NSD1: variants seen among roughly 807,000 people sequenced by gnomAD.
The protein encoded by NSD1 is nuclear receptor binding SET domain protein 1.
Under a neutral mutation model 242.7 loss-of-function variants are expected in NSD1, and 26 were observed. The observed-to-expected ratio is 0.11, with a 90% CI of 0.08 to 0.15. The LOEUF (loss-of-function observed/expected upper bound fraction) is 0.15, where lower values mean the gene tolerates loss of function less well. NSD1 is among the 10% of genes least tolerant of loss of function. The pLI is 1.00. For synonymous variants in NSD1, 1,106 were observed against 1,178.1 expected, an observed-to-expected ratio of 0.94 and a Z score of 1.25; for missense variants, 2,495 against 3,272.8, an observed-to-expected ratio of 0.76 and a Z score of 5.80.
In NSD1 at chr5:177,182,089, T is replaced by C. The variant is rs376473480; in HGVS notation, c.928-9795T>C. ...ATGGTGTGAACCCGGGAGGTGGAGC[T>C]TGCAGTGAGTGGAGATCGCGCCACC... On this transcript the variant is annotated intron_variant, in intron 2 of 22. Transcript: ENST00000439151. Among the ~76,000 whole-genome samples, 61 of 151,774 alleles carry C rather than the reference T, an allele frequency of 4.0e-4. No individual in the cohort carries two copies. In the East Asian group the frequency reaches 7.4e-3, roughly 18 times the overall value.
intron 8 of NSD1, among the ~76,000 whole-genome samples, chr5:177,240,393 T>C (rs1185928886): frequency 3.3e-5 from 5 of 152,062 alleles, no homozygotes; most frequent in African/African-American, 9.7e-5. Flanking sequence ...ATGTGATAAA[T>C]ACTTTTTGTG....
chr5:177,246,351 A>G (rs1766293498), intron 9 of NSD1, among the ~76,000 whole-genome samples: 1 of 152,198 alleles, frequency 6.6e-6, no homozygotes, highest in Admixed American at 6.5e-5. Context: ...GATGACTAGT[A>G]AAATGCATTT....
chr5:177,210,775 C>T lies in NSD1; in HGVS notation c.2376C>T (p.Cys792=), dbSNP rs368839996. 2.5e-6 allele frequency: 4 copies of T among 1,614,136 alleles called. No homozygotes were observed. The highest frequency in any genetic ancestry group is 2.2e-5 in the South Asian group (2 of 91,082). The change falls in exon 5 of 23, where the codon TGC becomes TGT. Residue 792 remains cysteine (C), a synonymous_variant. Transcript: ENST00000439151. The part of the protein sequence containing the change: ...SKQPKFRSIK[C]KHKENPVMAE... ...AGCCCAAGTTCCGAAGTATAAAGTG[C>T]AAACACAAAGAAAATCCAGTTATGG... is the stretch of plus-strand genomic sequence containing the variant.
At chr5:177,192,937 C>G (rs898137724) in intron 3 of NSD1, among the ~76,000 whole-genome samples, 5 of 152,170 alleles carry the variant, frequency 3.3e-5, no homozygotes, top group African/African-American at 1.2e-4. Context: ...CGTATTTCTA[C>G]TTTAATCAGG....
At chr5:177,190,381 G>A (rs1255000657) in intron 2 of NSD1, among the ~76,000 whole-genome samples, 1 of 152,138 alleles carries the variant, frequency 6.6e-6, no homozygotes, top group East Asian at 1.9e-4. Flanking sequence ...CCTGGTTCAA[G>A]CAATTCTCTT....
In NSD1 at chr5:177,296,135, G is replaced by A. The variant is rs971279657; in HGVS notation, c.*676G>A. ...TGTGCATGGGTGCGTGTGCATGCGC[G>A]CACACTCACAGAGGTCTCCTCTATA... is the stretch of plus-strand genomic sequence containing the variant. On this transcript the variant is annotated 3_prime_UTR_variant, in exon 23 of 23. Coordinates refer to ENST00000439151, the MANE Select transcript of NSD1 (RefSeq NM_022455.5). 7 of 244,818 alleles carry A rather than the reference G, an allele frequency of 2.9e-5. No homozygotes were observed. The highest frequency in any genetic ancestry group is 1.4e-4 in the South Asian group (1 of 7,142). The allele number at this position is 244,818 out of a possible 1,614,324, so 15.2% of individuals were successfully genotyped here.
intron 5 of NSD1, among the ~76,000 whole-genome samples, chr5:177,212,487 C>CTTTTTTTTTTTTTTTTT (rs34930823): frequency 7.9e-6 from 1 of 126,954 alleles, no homozygotes; most frequent in Non-Finnish European, 1.6e-5. Flanking sequence ...CTCTCTCTCT[C>CTTTTTTTTTTTTTTTTT]TTTTTTTTTT....
At chr5:177,164,598 C>T (rs924485031) in intron 2 of NSD1, among the ~76,000 whole-genome samples, 5 of 152,078 alleles carry the variant, frequency 3.3e-5, no homozygotes, top group Admixed American at 6.6e-5. Context: ...GAAATGAATG[C>T]TTCATTCAAA....
At chr5:177,168,109 G>A (rs1439187805) in intron 2 of NSD1, among the ~76,000 whole-genome samples, 1 of 152,166 alleles carries the variant, frequency 6.6e-6, no homozygotes, top group Non-Finnish European at 1.5e-5. Context: ...AAAATTCCAA[G>A]TAATGAACTT....
chr5:177,246,928 C>T, intron 10 of NSD1, 132 bp downstream of exon 10: 1 of 711,190 alleles, frequency 1.4e-6, no homozygotes, highest in East Asian at 2.6e-5. Flanking sequence ...CATAAGGAAT[C>T]TTGGAGGAAA....
chr5:177,256,764 G>A (rs540173448), intron 12 of NSD1, among the ~76,000 whole-genome samples, 187 bp from the exon 13 acceptor site: 1 of 152,240 alleles, frequency 6.6e-6, no homozygotes, highest in East Asian at 1.9e-4. Flanking sequence ...ACTTTCTGTT[G>A]TATCACGTCA....
At chr5:177,200,973 T>C (rs909727964) in intron 3 of NSD1, among the ~76,000 whole-genome samples, 2 of 152,000 alleles carry the variant, frequency 1.3e-5, no homozygotes, top group African/African-American at 4.8e-5. Flanking sequence ...CTTGGCTCAC[T>C]GCAACTTCTG....
chr5:177,274,534 G>A (rs967782282), intron 17 of NSD1, among the ~76,000 whole-genome samples: 2 of 152,032 alleles, frequency 1.3e-5, no homozygotes, highest in Non-Finnish European at 2.9e-5. Context: ...AGTTAGTTGC[G>A]ATGCTCAAAT....
chr5:177,258,857 T>C (rs1001640730), intron 13 of NSD1, among the ~76,000 whole-genome samples: 16 of 151,504 alleles, frequency 1.1e-4, no homozygotes, highest in Admixed American at 9.2e-4. Flanking sequence ...GTTTGTTTTG[T>C]TTTGTTTTAA....
chr5:177,292,514 G>A (rs1238484017), intron 22 of NSD1, among the ~76,000 whole-genome samples: 1 of 152,176 alleles, frequency 6.6e-6, no homozygotes, highest in African/African-American at 2.4e-5. Context: ...TGGATTGAGA[G>A]CTGGGTTTTT....
At chr5:177,195,121 T>G (rs1762006826) in intron 3 of NSD1, among the ~76,000 whole-genome samples, 1 of 152,036 alleles carries the variant, frequency 6.6e-6, no homozygotes, top group African/African-American at 2.4e-5. Context: ...ATCACACTAC[T>G]GCACTACAGC....
chr5:177,135,957 G>T lies in NSD1; in HGVS notation c.854G>T (p.Ser285Ile), dbSNP rs1756289396. 6.2e-7 allele frequency: 1 copy of T among 1,613,994 alleles called. No homozygotes were observed. Among genetic ancestry groups the T allele is most frequent in the East Asian group, 2.2e-5 (1 of 44,888 alleles). ...NLSFQDDPDS[S>I]TSTLGNMLEL... ...TCTTTTCAGGATGATCCAGATTCCA[G>T]TACCAGTACATTAGGAAACATGCTA... The change falls in exon 2 of 23, where the codon AGT (serine) becomes ATT (isoleucine). Residue 285 changes from serine to isoleucine, a missense_variant. Physicochemically the swap from Ser to Ile is moderately radical, Grantham distance 142. This residue lies in a region of NSD1 where 376 missense variants were observed against 367.4 expected (regional missense o/e 1.02). Coordinates refer to ENST00000439151, the MANE Select transcript of NSD1 (RefSeq NM_022455.5).
intron 2 of NSD1, among the ~76,000 whole-genome samples, chr5:177,185,510 A>G (rs1761034600): frequency 6.6e-6 from 1 of 150,730 alleles, no homozygotes; most frequent in South Asian, 2.1e-4. Flanking sequence ...AGGCAGGAGA[A>G]TCGCTTGAAC....
intron 20 of NSD1, among the ~76,000 whole-genome samples, chr5:177,284,498 G>A (rs1759143811): frequency 6.6e-6 from 1 of 151,894 alleles, no homozygotes; most frequent in Non-Finnish European, 1.5e-5. Flanking sequence ...ATGTTGCCAA[G>A]GCTGGTCTGG....
Sources: allele counts gnomAD v4.1 joint callset (sites outside exome capture counted in the v4.1 genomes callset), GRCh38; gene constraint gnomAD v4.1.1; regional missense constraint gnomAD v4.1.1; transcripts MANE v1.5; gene names NCBI Gene and HGNC (gene_info 2026-07-23, HGNC 2026-07-21).